NBPF15: variants seen among roughly 807,000 people sequenced by gnomAD.
NBPF15 encodes the protein NBPF family member NBPF15.
NBPF15 carries 74 observed loss-of-function variants against 62.2 expected under a neutral mutation model. That is an observed-to-expected ratio of 1.19 (90% CI 0.99 to 1.44). The LOEUF (loss-of-function observed/expected upper bound fraction) is 1.44, where lower values mean the gene tolerates loss of function less well. NBPF15 is among the 40% of genes most tolerant of loss of function. The pLI is 0.00. For synonymous variants in NBPF15, 244 were observed against 209.7 expected, an observed-to-expected ratio of 1.16 and a Z score of -1.41; for missense variants, 790 against 550.0, an observed-to-expected ratio of 1.44 and a Z score of -4.36.
intron 6 of NBPF15, among the ~76,000 whole-genome samples, chr1:144,441,302 C>T (rs587670523): frequency 6.6e-6 from 1 of 151,754 alleles, no homozygotes; most frequent in East Asian, 1.9e-4. Context: ...AAGATGTAGG[C>T]CATTTTCAGT....
chr1:144,426,579 G>T, intron 17 of NBPF15, 129 bp from the exon 18 acceptor site: 1 of 713,066 alleles, frequency 1.4e-6, no homozygotes, highest in Admixed American at 2.0e-5. Flanking sequence ...ATGAGGTAAT[G>T]AATTATTGCC....
intron 4 of NBPF15, among the ~76,000 whole-genome samples, 179 bp from the exon 5 acceptor site, chr1:144,451,049 G>T (rs587745565): frequency 6.6e-6 from 1 of 152,042 alleles, no homozygotes; most frequent in Non-Finnish European, 1.5e-5. Flanking sequence ...GCCAGCACTG[G>T]CCTCTGAGTT....
intron 13 of NBPF15, among the ~76,000 whole-genome samples, chr1:144,431,535 C>A (rs1674320246): frequency 6.7e-6 from 1 of 149,654 alleles, no homozygotes; most frequent in Non-Finnish European, 1.5e-5. Flanking sequence ...GGTACATGTG[C>A]ACAACGTGCA....
intron 17 of NBPF15, 86 bp from the exon 18 acceptor site, chr1:144,426,536 A>C: frequency 1.3e-6 from 1 of 754,266 alleles, no homozygotes; most frequent in Non-Finnish European, 2.5e-6. Context: ...TAACATAAGG[A>C]ACTGTTTAAA....
chr1:144,439,114 G>A (rs1329664507), intron 8 of NBPF15, among the ~76,000 whole-genome samples: 2 of 151,766 alleles, frequency 1.3e-5, no homozygotes, highest in Non-Finnish European at 2.9e-5. Flanking sequence ...CTCCTAGGCA[G>A]GGGTGATTAC....
chr1:144,427,353 G>T (rs1192102307), intron 16 of NBPF15, among the ~76,000 whole-genome samples: 1 of 127,324 alleles, frequency 7.9e-6, no homozygotes, highest in Admixed American at 7.9e-5. Flanking sequence ...TTGTGCAAAT[G>T]GTTATGCCAT....
chr1:144,447,792 T>C (rs587762752), intron 6 of NBPF15, among the ~76,000 whole-genome samples: 1,854 of 152,238 alleles, frequency 0.012, 30 homozygotes, highest in Middle Eastern at 0.034. Flanking sequence ...AGGGCTAGTT[T>C]ATTTCATGCC....
chr1:144,430,445 A>T, intron 13 of NBPF15, among the ~76,000 whole-genome samples: 1 of 148,908 alleles, frequency 6.7e-6, no homozygotes, highest in East Asian at 2.0e-4. Flanking sequence ...TCTGGAGTGG[A>T]CTTCCAGCAA....
At chr1:144,456,398 A>G (rs1192073703) in intron 4 of NBPF15, 139 bp downstream of exon 4, 2 of 828,362 alleles carry the variant, frequency 2.4e-6, no homozygotes, top group Non-Finnish European at 3.0e-6. Context: ...CACCTAACAA[A>G]TATTAATTCA....
intron 19 of NBPF15, among the ~76,000 whole-genome samples, chr1:144,425,093 C>CAGACACACACACAG (rs1445224399): frequency 2.2e-5 from 3 of 136,988 alleles, no homozygotes; most frequent in Admixed American, 2.2e-4. Flanking sequence ...CACACACACA[C>CAGACACACACACAG]ACACACACAC....
At chr1:144,426,958 C>T in intron 17 of NBPF15, 89 bp downstream of exon 17, 3 of 660,040 alleles carry the variant, frequency 4.5e-6, no homozygotes, top group South Asian at 1.7e-5. Context: ...TCGTTGAAAA[C>T]ATGAAATTGA....
At position 144,443,266 on chromosome 1, in the gene NBPF15, A is replaced by T. The variant is rs1343772896; in HGVS notation, c.-190-2971T>A. 3.9e-5 allele frequency among the ~76,000 whole-genome samples: 6 copies of T among 152,156 alleles called. No homozygotes were observed. In the South Asian group the frequency reaches 1.0e-3, roughly 26 times the overall value. On this transcript the variant is annotated intron_variant, in intron 6 of 21. Coordinates refer to ENST00000581897, the MANE Select transcript of NBPF15 (RefSeq NM_001385408.1). ...CTACTAAAAAAAAATCAATAACTGT[A>T]CATATGTGGGCATATTGTTTGAATC...
At chr1:144,451,307 T>A (rs1479065249) in intron 4 of NBPF15, among the ~76,000 whole-genome samples, 1 of 151,916 alleles carries the variant, frequency 6.6e-6, no homozygotes, top group South Asian at 2.1e-4. Flanking sequence ...CCTATCTCAG[T>A]AGATGGGATA....
At chr1:144,439,447 G>A (rs1181992604) in intron 8 of NBPF15, among the ~76,000 whole-genome samples, 3 of 151,926 alleles carry the variant, frequency 2.0e-5, no homozygotes, top group African/African-American at 4.8e-5. Flanking sequence ...AACTTGAACT[G>A]AAGAAAAGTT....
At chr1:144,431,443 T>C (rs1674200710) in intron 13 of NBPF15, among the ~76,000 whole-genome samples, 1 of 149,688 alleles carries the variant, frequency 6.7e-6, no homozygotes, top group Non-Finnish European at 1.5e-5. Flanking sequence ...TTTCCATATG[T>C]ATAGTTTTCC....
rs1475949184 is a variant in NBPF15 at position 144,455,208 on chromosome 1, G to A, written c.-432+1329C>T. ...GGAAGAAAGGAAGGGAGGGAAGGCA[G>A]AAGGGAAGGAGGGAGGGAAAGAATA... is the stretch of plus-strand genomic sequence containing the variant. On this transcript the variant is annotated intron_variant, in intron 4 of 21. Coordinates refer to ENST00000581897, the MANE Select transcript of NBPF15 (RefSeq NM_001385408.1). Among the ~76,000 whole-genome samples the A allele has an allele frequency of 9.4e-5, 14 of 148,666 alleles. 1 individual carries two copies. The highest frequency in any genetic ancestry group is 3.5e-4 in the African/African-American group (14 of 40,314).
chr1:144,437,197 C>T (rs1296874029), intron 9 of NBPF15, 88 bp from the exon 10 acceptor site: 4 of 1,276,984 alleles, frequency 3.1e-6, no homozygotes, highest in South Asian at 1.2e-5. Context: ...GAGACAATGT[C>T]CTCAAGGAGA....
intron 6 of NBPF15, among the ~76,000 whole-genome samples, chr1:144,441,266 A>G (rs1177310097): frequency 6.6e-6 from 1 of 151,492 alleles, no homozygotes; most frequent in African/African-American, 2.4e-5. Context: ...TTTGCAAAGT[A>G]TTTGTATTGT....
At chr1:144,432,647 G>A (rs1374563858) in intron 13 of NBPF15, among the ~76,000 whole-genome samples, 1 of 151,844 alleles carries the variant, frequency 6.6e-6, no homozygotes, top group Admixed American at 6.6e-5. Context: ...AAAAAAGGCA[G>A]GGGTTGCAAT....
Sources: gnomAD v4.1 joint callset for allele counts (sites outside exome capture counted in the v4.1 genomes callset) on GRCh38, gnomAD v4.1.1 for gene constraint, MANE v1.5 for transcripts, NCBI Gene and HGNC (gene_info 2026-07-23, HGNC 2026-07-21) for gene names.